IL1R2: variants seen among roughly 807,000 people sequenced by gnomAD.
The protein encoded by IL1R2 is interleukin-1 receptor type 2.
In IL1R2, 46 loss-of-function variants were observed where a neutral mutation model predicts 39.5. The ratio of observed to expected loss-of-function variants is 1.16; its 90% confidence interval spans 0.92 to 1.49. IL1R2 has a LOEUF of 1.49. Ranked by LOEUF, IL1R2 falls within the 40% of genes most tolerant of loss-of-function variation. The pLI is 0.00. For synonymous variants in IL1R2, 207 were observed against 189.6 expected (o/e 1.09, Z -0.75); for missense variants, 537 against 502.0 (o/e 1.07, Z -0.67).
chr2:102,013,558 G>GAAAAA (rs1676788000), intron 3 of IL1R2, among the ~76,000 whole-genome samples: 18 of 33,712 alleles, frequency 5.3e-4, no homozygotes, highest in African/African-American at 8.4e-4. Context: ...AAAAAGGAAA[G>GAAAAA]AAAGAAAAGA....
intron 1 of IL1R2, chr2:102,002,065 T>A (rs1675889271): frequency 6.6e-6 from 1 of 152,202 alleles, no homozygotes; most frequent in Non-Finnish European, 1.5e-5. Flanking sequence ...ATCTTCTAGG[T>A]GAATTCAGTC....
intron 1 of IL1R2, among the ~76,000 whole-genome samples, chr2:102,003,088 C>T (rs1421767733): frequency 8.6e-6 from 1 of 116,634 alleles, no homozygotes; most frequent in African/African-American, 2.7e-5. Context: ...GTGTCCGTGT[C>T]TGTGTCTATG....
rs1339033266 is a variant in IL1R2 at position 102,021,314 on chromosome 2, T to C, written c.689-873T>C. On this transcript the variant is annotated intron_variant, in intron 5 of 8. Coordinates refer to ENST00000332549, the MANE Select transcript of IL1R2 (RefSeq NM_004633.4). The stretch of plus-strand genomic sequence containing the variant: ...TTCTTTCTTTTCTTTTCTTTTTTTT[T>C]TTTTTTTTGGTTTTTTTTTGAGGCG... Among the ~76,000 whole-genome samples the C allele has an allele frequency of 2.6e-4, 39 of 150,754 alleles. No individual in the cohort carries two copies. In the South Asian group the frequency reaches 2.9e-3, roughly 11 times the overall value.
intron 1 of IL1R2, among the ~76,000 whole-genome samples, chr2:102,001,425 G>C (rs891975337): frequency 6.6e-6 from 1 of 152,218 alleles, no homozygotes; most frequent in African/African-American, 2.4e-5. Context: ...TGGCCTCCAG[G>C]AAGTGATCTG....
chr2:102,015,097 C>G (rs1395549213), intron 3 of IL1R2, among the ~76,000 whole-genome samples: 2 of 152,166 alleles, frequency 1.3e-5, no homozygotes, highest in East Asian at 3.8e-4. Context: ...GTTGGTAAAT[C>G]ATTCCCCAAA....
chr2:101,992,465 ACAGAGAGACAGAGAGAGG>A (rs1387777289), intron 1 of IL1R2, among the ~76,000 whole-genome samples: 1 of 151,376 alleles, frequency 6.6e-6, no homozygotes, highest in Non-Finnish European at 1.5e-5. Flanking sequence ...ACGGAGACAG[ACAGAGAGACAGAGAGAGG>A]CAGAGAGACA....
chr2:102,018,093 A>ATT (rs541323249), intron 4 of IL1R2, among the ~76,000 whole-genome samples: 37 of 152,222 alleles, frequency 2.4e-4, no homozygotes, highest in Middle Eastern at 3.4e-3. Context: ...TCTAGAATGC[A>ATT]TTCTCTCTCT....
intron 4 of IL1R2, among the ~76,000 whole-genome samples, chr2:102,018,564 A>G (rs972745189): frequency 6.6e-6 from 1 of 152,216 alleles, no homozygotes; most frequent in Non-Finnish European, 1.5e-5. Flanking sequence ...GCTTAGTAAT[A>G]TTTATTCCCT....
chr2:101,993,251 A>G (rs889904583), intron 1 of IL1R2, among the ~76,000 whole-genome samples: 1 of 152,192 alleles, frequency 6.6e-6, no homozygotes, highest in African/African-American at 2.4e-5. Flanking sequence ...GTGTGTCCCC[A>G]GAGGCGAACT....
chr2:102,014,411 A>G (rs1030883581), intron 3 of IL1R2, among the ~76,000 whole-genome samples: 3 of 152,222 alleles, frequency 2.0e-5, no homozygotes, highest in African/African-American at 7.2e-5. Context: ...CTGTTACTCA[A>G]GTAGGCCCAG....
At chr2:102,009,140 C>A (rs1453308792) in intron 2 of IL1R2, among the ~76,000 whole-genome samples, 2 of 152,188 alleles carry the variant, frequency 1.3e-5, no homozygotes, top group Non-Finnish European at 2.9e-5. Context: ...TTGCCCTTAA[C>A]AAAGTTGCCT....
chr2:102,009,849 G>A, intron 3 of IL1R2, 23 bp downstream of exon 3: 5 of 1,609,742 alleles, frequency 3.1e-6, no homozygotes, highest in South Asian at 1.1e-5. Flanking sequence ...GTGCGGGGCT[G>A]GGGAGGGGAT....
intron 4 of IL1R2, among the ~76,000 whole-genome samples, chr2:102,018,269 T>A (rs1677134657): frequency 6.6e-6 from 1 of 152,144 alleles, no homozygotes; most frequent in Non-Finnish European, 1.5e-5. Context: ...GGGAAAAGCA[T>A]AAAGAGGACA....
chr2:102,019,554 A>C, intron 4 of IL1R2, 84 bp from the exon 5 acceptor site: 1 of 978,406 alleles, frequency 1.0e-6, no homozygotes, highest in East Asian at 2.6e-5. Flanking sequence ...CAAATCCCAC[A>C]TTGGTTGATA....
intron 7 of IL1R2, among the ~76,000 whole-genome samples, chr2:102,025,272 T>C (rs1055758770): frequency 2.0e-5 from 3 of 152,234 alleles, no homozygotes; most frequent in African/African-American, 7.2e-5. Context: ...TTTTTAAAAT[T>C]ACAGTTTTGA....
intron 8 of IL1R2, among the ~76,000 whole-genome samples, chr2:102,027,971 C>T (rs1414458209): frequency 1.3e-5 from 2 of 152,146 alleles, no homozygotes; most frequent in African/African-American, 4.8e-5. Context: ...AAAGTTAAAC[C>T]CTCAGCACTT....
chr2:101,997,232 C>G (rs1675635501), intron 1 of IL1R2, among the ~76,000 whole-genome samples: 1 of 152,206 alleles, frequency 6.6e-6, no homozygotes, highest in East Asian at 1.9e-4. Context: ...CCTCAGTTGT[C>G]AGAGCCAGTG....
At chr2:102,012,241 A>G (rs914191266) in intron 3 of IL1R2, among the ~76,000 whole-genome samples, 4 of 152,208 alleles carry the variant, frequency 2.6e-5, no homozygotes, top group Non-Finnish European at 4.4e-5. Context: ...TTGATTGGGA[A>G]CTAGTGTTTT....
chr2:102,011,930 A>G (rs1324076350), intron 3 of IL1R2, among the ~76,000 whole-genome samples: 3 of 152,308 alleles, frequency 2.0e-5, no homozygotes, highest in Middle Eastern at 3.4e-3. Flanking sequence ...ATATGGTGTT[A>G]GGTAAGGGTC....
Sources: gnomAD v4.1 joint callset for allele counts (sites outside exome capture counted in the v4.1 genomes callset) on GRCh38, gnomAD v4.1.1 for gene constraint, MANE v1.5 for transcripts, NCBI Gene and HGNC (gene_info 2026-07-23, HGNC 2026-07-21) for gene names.